Variants in GPC6 observed in about 807,000 individuals in gnomAD.
GPC6 encodes glypican 6, also known as glypican-6.
GPC6 carries 14 observed loss-of-function variants against 55.2 expected under a neutral mutation model. That is an observed-to-expected ratio of 0.25 (90% CI 0.17 to 0.40). The LOEUF is 0.40. GPC6 is among the 10% of genes least tolerant of loss of function. The pLI is 1.00. For missense variants in GPC6, 641 were observed against 708.5 expected (o/e 0.90, Z 1.08); for synonymous variants, 278 against 259.6 (o/e 1.07, Z -0.68).
chr13:93,395,233 A>C, intron 1 of GPC6: 1 of 407,686 alleles, frequency 2.5e-6, no homozygotes, highest in Admixed American at 2.9e-5. Flanking sequence ...TGTCATTCCC[A>C]CCAGAACCAC....
At chr13:93,867,140 T>C (rs1888989321) in intron 3 of GPC6, among the ~76,000 whole-genome samples, 1 of 151,766 alleles carries the variant, frequency 6.6e-6, no homozygotes, top group African/African-American at 2.4e-5. Flanking sequence ...TTACATGGAA[T>C]AGTTCCAGGA....
At chr13:93,926,449 GA>G (rs1327947394) in intron 3 of GPC6, among the ~76,000 whole-genome samples, 1 of 152,158 alleles carries the variant, frequency 6.6e-6, no homozygotes, top group African/African-American at 2.4e-5. Context: ...CCCTAGGCAG[GA>G]AAAATGTCAG....
At chr13:93,331,224 A>G (rs2139136689) in intron 1 of GPC6, among the ~76,000 whole-genome samples, 2 of 152,188 alleles carry the variant, frequency 1.3e-5, no homozygotes, top group Non-Finnish European at 2.9e-5. Flanking sequence ...CTCATACTAC[A>G]TTTTTATCAG....
intron 3 of GPC6, among the ~76,000 whole-genome samples, chr13:93,914,222 C>G (rs1204178126): frequency 6.6e-6 from 1 of 152,102 alleles, no homozygotes; most frequent in African/African-American, 2.4e-5. Context: ...CCCCCTCTCC[C>G]CACCCCACAA....
intron 4 of GPC6, among the ~76,000 whole-genome samples, chr13:94,212,360 T>TA (rs1890104975): frequency 6.6e-6 from 1 of 152,228 alleles, no homozygotes; most frequent in Non-Finnish European, 1.5e-5. Context: ...TGCTCACTGA[T>TA]ATGTGGATCT....
intron 2 of GPC6, among the ~76,000 whole-genome samples, chr13:93,829,685 T>G (rs1887406924): frequency 1.3e-5 from 2 of 152,224 alleles, no homozygotes. Context: ...ATGACATTAA[T>G]TTGAACATCT....
At chr13:93,480,487 A>G (rs910046067) in intron 1 of GPC6, among the ~76,000 whole-genome samples, 5 of 152,224 alleles carry the variant, frequency 3.3e-5, no homozygotes, top group African/African-American at 7.2e-5. Context: ...AAAAAATAAC[A>G]GCTTTATCAT....
At chr13:93,290,642 A>G (rs1878288051) in intron 1 of GPC6, among the ~76,000 whole-genome samples, 1 of 152,126 alleles carries the variant, frequency 6.6e-6, no homozygotes, top group South Asian at 2.1e-4. Flanking sequence ...GACTAAATGC[A>G]TTTCACACCA....
intron 2 of GPC6, among the ~76,000 whole-genome samples, chr13:93,583,841 T>C (rs1877063539): frequency 6.6e-6 from 1 of 152,208 alleles, no homozygotes; most frequent in Non-Finnish European, 1.5e-5. Flanking sequence ...GTGAGAAATT[T>C]AGAACTGATA....
chr13:93,656,606 A>T (rs1294229975), intron 2 of GPC6, among the ~76,000 whole-genome samples: 1 of 152,150 alleles, frequency 6.6e-6, no homozygotes, highest in Non-Finnish European at 1.5e-5. Context: ...TTTACAAATC[A>T]CATTGACTTA....
At position 94,175,362 on chromosome 13, in the gene GPC6, A is replaced by G. The variant is rs1238831102; in HGVS notation, c.878-110987A>G. On this transcript the variant is annotated intron_variant, in intron 4 of 8. Transcript: ENST00000377047. ...TTGAGTATAGCAGCTCTGTTCCAAC[A>G]AATGTTACTTACTAGGATTTAGTCT... Among the ~76,000 whole-genome samples, 8 of 152,194 alleles carry G rather than the reference A, an allele frequency of 5.3e-5. No homozygotes were observed. In the South Asian group the frequency reaches 1.4e-3, roughly 28 times the overall value.
intron 1 of GPC6, among the ~76,000 whole-genome samples, chr13:93,300,080 A>G (rs1178628846): frequency 2.0e-5 from 3 of 152,336 alleles, no homozygotes; most frequent in African/African-American, 7.2e-5. Context: ...GAGATATTCT[A>G]TCTCCAAATA....
intron 2 of GPC6, among the ~76,000 whole-genome samples, chr13:93,758,060 A>G (rs949107229): frequency 6.6e-6 from 1 of 152,128 alleles, no homozygotes; most frequent in African/African-American, 2.4e-5. Flanking sequence ...TAATTCCCTG[A>G]TCTCACATAA....
chr13:94,103,636 G>C lies in GPC6; in HGVS notation c.877+75742G>C, dbSNP rs1218152141. Among the ~76,000 whole-genome samples the C allele has an allele frequency of 2.6e-5, 4 of 152,200 alleles. No individual in the cohort carries two copies. In the East Asian group the frequency reaches 7.7e-4, roughly 29 times the overall value. On this transcript the variant is annotated intron_variant, in intron 4 of 8. Coordinates refer to ENST00000377047, the MANE Select transcript of GPC6 (RefSeq NM_005708.5). Reference sequence around the variant, plus strand: ...TTGATTTGCATTTCTCTGATGAGCAGTGATGATGAGCATTTTTTCATGTGT... The same window carrying C: ...TTGATTTGCATTTCTCTGATGAGCACTGATGATGAGCATTTTTTCATGTGT...
At chr13:94,066,073 T>C (rs557090589) in intron 4 of GPC6, among the ~76,000 whole-genome samples, 73 of 152,202 alleles carry the variant, frequency 4.8e-4, no homozygotes, top group Admixed American at 9.8e-4. Context: ...TCGAGTTTGG[T>C]TTCTCAGATG....
At chr13:93,368,366 T>G (rs959841616) in intron 1 of GPC6, among the ~76,000 whole-genome samples, 28 of 120,682 alleles carry the variant, frequency 2.3e-4, no homozygotes, top group Non-Finnish European at 3.9e-4. Context: ...CCTTCCTTCC[T>G]TCCTTCCTTC....
intron 5 of GPC6, among the ~76,000 whole-genome samples, chr13:94,292,035 C>T (rs185855289): frequency 2.6e-3 from 402 of 152,248 alleles, no homozygotes; most frequent in South Asian, 4.2e-3. Flanking sequence ...ACTGCCAACT[C>T]GTATTTATTG....
intron 4 of GPC6, among the ~76,000 whole-genome samples, chr13:94,251,632 T>C (rs1891352237): frequency 1.3e-5 from 2 of 152,142 alleles, no homozygotes; most frequent in East Asian, 1.9e-4. Flanking sequence ...TCACGTCCTT[T>C]GTTACAACTT....
chr13:94,161,924 G>T (rs950250753), intron 4 of GPC6, among the ~76,000 whole-genome samples: 2 of 152,082 alleles, frequency 1.3e-5, no homozygotes, highest in African/African-American at 4.8e-5. Context: ...CATGGCGGCA[G>T]GCAAGAGAAG....
Sources: allele counts gnomAD v4.1 joint callset (sites outside exome capture counted in the v4.1 genomes callset), GRCh38; gene constraint gnomAD v4.1.1; transcripts MANE v1.5; gene names NCBI Gene and HGNC (gene_info 2026-07-23, HGNC 2026-07-21).